The following ANTXR1 variants were observed in gnomAD, a reference collection of about 807,000 sequenced individuals.
ANTXR1 encodes the protein anthrax toxin receptor 1.
A neutral mutation model predicts 78.1 loss-of-function variants in ANTXR1; 19 were observed. The observed-to-expected ratio is 0.24, with a 90% confidence interval of 0.17 to 0.36. The LOEUF is 0.36. Among genes scored for constraint, ANTXR1 ranks in the 10% least tolerant of loss-of-function variants. The pLI, the probability that ANTXR1 is intolerant of heterozygous loss-of-function variation, is 1.00. For synonymous variants in ANTXR1, 273 were observed against 260.5 expected, an observed-to-expected ratio of 1.05 and a Z score of -0.46; for missense variants, 518 against 718.6, an observed-to-expected ratio of 0.72 and a Z score of 3.19.
chr2:69,107,643 C>T (rs1235371035), intron 10 of ANTXR1, among the ~76,000 whole-genome samples: 1 of 151,690 alleles, frequency 6.6e-6, no homozygotes, highest in Non-Finnish European at 1.5e-5. Flanking sequence ...AGATCAAGCT[C>T]GCTGATGACA....
intron 14 of ANTXR1, among the ~76,000 whole-genome samples, chr2:69,179,983 A>T (rs1160786712): frequency 6.6e-6 from 1 of 152,220 alleles, no homozygotes; most frequent in African/African-American, 2.4e-5. Flanking sequence ...AGAGAGAGAG[A>T]GACACCCAAG....
intron 2 of ANTXR1, among the ~76,000 whole-genome samples, chr2:69,041,515 G>A (rs561088370): frequency 3.4e-4 from 52 of 152,302 alleles, no homozygotes; most frequent in African/African-American, 1.3e-3. Flanking sequence ...GGAGTCTAGT[G>A]GGATAGGCTT....
chr2:69,136,006 C>T (rs1458755096), intron 12 of ANTXR1, among the ~76,000 whole-genome samples: 1 of 152,098 alleles, frequency 6.6e-6, no homozygotes, highest in Non-Finnish European at 1.5e-5. Flanking sequence ...ATCTAAGACA[C>T]ACTTTTCTTT....
intron 17 of ANTXR1, among the ~76,000 whole-genome samples, chr2:69,209,939 C>T (rs1346135815): frequency 1.3e-5 from 2 of 152,226 alleles, no homozygotes; most frequent in African/African-American, 4.8e-5. Context: ...CTCTAATTAA[C>T]ATTCTACAAA....
chr2:69,072,938 G>A (rs569964635), intron 5 of ANTXR1, 84 bp from the exon 6 acceptor site: 72 of 1,368,484 alleles, frequency 5.3e-5, no homozygotes, highest in East Asian at 3.7e-4. Flanking sequence ...GGTTGAACTC[G>A]TAAGAGGTTG....
intron 13 of ANTXR1, among the ~76,000 whole-genome samples, chr2:69,160,506 C>T (rs1024523496): frequency 3.3e-5 from 5 of 152,158 alleles, no homozygotes; most frequent in African/African-American, 1.2e-4. Context: ...ATCTGCTTCT[C>T]CCTTTCAAGA....
intron 12 of ANTXR1, chr2:69,145,916 T>C (rs191552769): frequency 1.0e-6 from 1 of 985,674 alleles, no homozygotes; most frequent in Admixed American, 6.1e-5. Context: ...AAGCAAGAGA[T>C]GCTTTCATTA....
intron 17 of ANTXR1, among the ~76,000 whole-genome samples, chr2:69,194,191 T>C (rs769034602): frequency 6.6e-6 from 1 of 152,232 alleles, no homozygotes; most frequent in Non-Finnish European, 1.5e-5. Context: ...ACAACCTCAG[T>C]TCTGCCGAAA....
intron 14 of ANTXR1, among the ~76,000 whole-genome samples, chr2:69,174,378 C>T (rs1393187058): frequency 1.3e-5 from 2 of 152,220 alleles, no homozygotes; most frequent in Non-Finnish European, 2.9e-5. Context: ...TGGCTCATGC[C>T]TGTAATTCCA....
At position 69,087,768 on chromosome 2, in the gene ANTXR1, G is replaced by A. The variant is rs116458683; in HGVS notation, c.643-3091G>A. On this transcript the variant is annotated intron_variant, in intron 8 of 17. Coordinates refer to ENST00000303714, the MANE Select transcript of ANTXR1 (RefSeq NM_032208.3). The stretch of plus-strand genomic sequence containing the variant: ...ACCTCTGCCATGGCTACCACTGCCC[G>A]GGCCTCCCTACCCCCACACAGTCTC... Among the ~76,000 whole-genome samples, 560 of 152,076 alleles carry A rather than the reference G, an allele frequency of 3.7e-3. 5 individuals carry two copies. Among genetic ancestry groups the A allele is most frequent in the African/African-American group, 0.013 (537 of 41,482 alleles).
chr2:69,180,533 C>A (rs1275958761), intron 14 of ANTXR1, among the ~76,000 whole-genome samples: 3 of 152,216 alleles, frequency 2.0e-5, no homozygotes, highest in African/African-American at 4.8e-5. Context: ...CTTCTTTCTT[C>A]ATCTTAAAAA....
At chr2:69,219,678 GT>G in intron 17 of ANTXR1, among the ~76,000 whole-genome samples, 1 of 152,206 alleles carries the variant, frequency 6.6e-6, no homozygotes, top group East Asian at 1.9e-4. Context: ...TGTTATCAAC[GT>G]ATATTAAAAT....
intron 3 of ANTXR1, among the ~76,000 whole-genome samples, chr2:69,056,562 T>A (rs1328496450): frequency 2.0e-5 from 3 of 152,360 alleles, no homozygotes; most frequent in East Asian, 1.9e-4. Context: ...CTACCATTTC[T>A]CTTTCCTCAC....
chr2:69,155,284 AGGT>A (rs1673492589), intron 13 of ANTXR1, among the ~76,000 whole-genome samples: 1 of 152,228 alleles, frequency 6.6e-6, no homozygotes, highest in Non-Finnish European at 1.5e-5. Flanking sequence ...CAGTATCGCC[AGGT>A]GGACCTCTGG....
At chr2:69,090,676 C>T (rs1573864378) in intron 8 of ANTXR1, 183 bp from the exon 9 acceptor site, 1 of 644,730 alleles carries the variant, frequency 1.6e-6, no homozygotes, top group East Asian at 2.7e-5. Context: ...GCATCTAGCA[C>T]AATCTGGCTT....
intron 3 of ANTXR1, among the ~76,000 whole-genome samples, chr2:69,059,653 T>G (rs984285671): frequency 4.6e-5 from 7 of 152,190 alleles, no homozygotes; most frequent in Non-Finnish European, 8.8e-5. Flanking sequence ...TAATTTGAAG[T>G]ATGTACTTTT....
At chr2:69,059,751 A>T (rs1235917710) in intron 3 of ANTXR1, among the ~76,000 whole-genome samples, 1 of 152,186 alleles carries the variant, frequency 6.6e-6, no homozygotes, top group Non-Finnish European at 1.5e-5. Flanking sequence ...AAATGTTGTG[A>T]GAGTCACTTT....
chr2:69,124,763 G>C, intron 12 of ANTXR1, 120 bp downstream of exon 12: 1 of 1,016,112 alleles, frequency 9.8e-7, no homozygotes, highest in East Asian at 2.5e-5. Flanking sequence ...CGTTCTGCTT[G>C]CTGAGCTTTG....
chr2:69,110,580 C>T (rs929865744), intron 10 of ANTXR1, among the ~76,000 whole-genome samples: 4 of 152,042 alleles, frequency 2.6e-5, no homozygotes, highest in Non-Finnish European at 5.9e-5. Context: ...CAAAACAGGC[C>T]GGGCGCGGTG....
Sources: gnomAD v4.1 joint callset for allele counts (sites outside exome capture counted in the v4.1 genomes callset) on GRCh38, gnomAD v4.1.1 for gene constraint, MANE v1.5 for transcripts, NCBI Gene and HGNC (gene_info 2026-07-23, HGNC 2026-07-21) for gene names.